The following ZNF565 variants were observed in gnomAD, a reference collection of about 807,000 sequenced individuals.
ZNF565 encodes zinc finger protein 565.
Under a neutral mutation model 39.4 loss-of-function variants are expected in ZNF565, and 27 were observed. The observed-to-expected ratio is 0.69, with a 90% CI of 0.51 to 0.95. The LOEUF is 0.95. ZNF565 is among the 40% of genes least tolerant of loss of function. ZNF565 has a pLI of 0.00. For missense variants in ZNF565, 524 were observed against 621.1 expected (o/e 0.84, Z 1.66); for synonymous variants, 185 against 216.6 (o/e 0.85, Z 1.28).
At chr19:36,216,400 G>A (rs1455577853), upstream of ZNF565, among the ~76,000 whole-genome samples, 1 of 152,088 alleles carries the variant, frequency 6.6e-6, no homozygotes, top group Non-Finnish European at 1.5e-5. Context: ...TAGCACTTTG[G>A]GAGGCCGAGA....
Position 36,183,054 on chromosome 19 carries a change from G to C in ZNF565, c.912C>G (p.Ala304=), listed in dbSNP as rs1167675441. 6 of 1,614,156 alleles carry C rather than the reference G, an allele frequency of 3.7e-6. No individual in the cohort carries two copies. The highest frequency in any genetic ancestry group is 4.2e-6 in the Non-Finnish European group (5 of 1,180,036). Residue 304 remains alanine (A), a synonymous_variant, in exon 5 of 5, where the codon GCC becomes GCG. Transcript: ENST00000304116. ...CGCATTCTTTACACTCATAGGGTCT[G>C]GCCCCTGTGTGGATTCTCCGATGCA... ...LTVHRRIHTG[A]RPYECKECGK... is the part of the protein sequence containing the mutation.
chr19:36,196,956 T>C (rs973233352), intron 2 of ZNF565, among the ~76,000 whole-genome samples: 9 of 151,974 alleles, frequency 5.9e-5, no homozygotes, highest in Admixed American at 1.3e-4. Context: ...CTTGAGGGGC[T>C]GAGGCAGGAG....
At position 36,193,274 on chromosome 19, in the gene ZNF565, C is replaced by T. The variant is rs148369446; in HGVS notation, c.232+959G>A. ...CAGGGATTACAGGTGTGAGCCACCACGTCTGGCCAATTTTTGTATTTTTAG... is the reference window on the plus strand; with the variant it reads ...CAGGGATTACAGGTGTGAGCCACCATGTCTGGCCAATTTTTGTATTTTTAG... On this transcript the variant is annotated intron_variant, in intron 4 of 4. Transcript: ENST00000304116. 9.2e-4 allele frequency among the ~76,000 whole-genome samples: 140 copies of T among 151,648 alleles called. 1 individual carries two copies. The highest frequency in any genetic ancestry group is 3.1e-3 in the African/African-American group (130 of 41,380).
At chr19:36,203,195 G>A (rs1976026848) in intron 1 of ZNF565, among the ~76,000 whole-genome samples, 2 of 152,062 alleles carry the variant, frequency 1.3e-5, no homozygotes, top group African/African-American at 4.8e-5. Flanking sequence ...AATTAGCGGG[G>A]CGTGGTGGCG....
At chr19:36,221,838 C>T (rs1299560665) in intron 1 of ZNF565, among the ~76,000 whole-genome samples, 1 of 151,242 alleles carries the variant, frequency 6.6e-6, no homozygotes, top group Non-Finnish European at 1.5e-5. Context: ...CTCCACCTTA[C>T]ATAAAAGATA....
At chr19:36,184,310 A>C (rs1311346974) in intron 4 of ZNF565, among the ~76,000 whole-genome samples, 1 of 151,870 alleles carries the variant, frequency 6.6e-6, no homozygotes, top group Non-Finnish European at 1.5e-5. Context: ...TCTGTCGCCC[A>C]GGCTGGAATG....
chr19:36,224,136 C>G (rs967403644), intron 1 of ZNF565, among the ~76,000 whole-genome samples: 6 of 152,178 alleles, frequency 3.9e-5, no homozygotes, highest in Non-Finnish European at 7.3e-5. Flanking sequence ...AATCCCAGCA[C>G]TTTGCAAGGC....
intron 1 of ZNF565, among the ~76,000 whole-genome samples, chr19:36,206,596 C>T (rs556821184): frequency 2.0e-5 from 3 of 152,190 alleles, no homozygotes; most frequent in African/African-American, 4.8e-5. Flanking sequence ...TTTGGGAGGG[C>T]GAGGCACGCG....
chr19:36,202,732 A>T (rs138713769), intron 1 of ZNF565, among the ~76,000 whole-genome samples: 1 of 152,276 alleles, frequency 6.6e-6, no homozygotes, highest in Non-Finnish European at 1.5e-5. Flanking sequence ...AGTAAAAGAC[A>T]TCCCTAAACG....
Position 36,194,234 on chromosome 19 carries a change from T to C in ZNF565, c.231A>G (p.Pro77=), listed in dbSNP as rs762597039. 6.2e-7 allele frequency: 1 copy of C among 1,610,776 alleles called. No individual in the cohort carries two copies. Among genetic ancestry groups the C allele is most frequent in the East Asian group, 2.2e-5 (1 of 44,860 alleles). The change falls in exon 4 of 5, where the codon CCA becomes CCG. Residue 77 remains proline (P), a splice_region_variant and synonymous_variant. Transcript: ENST00000304116. Reference sequence around the variant, plus strand: ...CTGTCGAAATCGGCCCTCGCTTACCTGGGCACCATGGTCCTGTCACATCAT... The same window carrying C: ...CTGTCGAAATCGGCCCTCGCTTACCCGGGCACCATGGTCCTGTCACATCAT... ...IANDVTGPWC[P]DLESRCEKFL... is the part of the protein sequence containing the mutation.
At chr19:36,233,488 C>T (rs1047244081) in intron 1 of ZNF565, among the ~76,000 whole-genome samples, 1 of 151,922 alleles carries the variant, frequency 6.6e-6, no homozygotes, top group Non-Finnish European at 1.5e-5. Flanking sequence ...TTAGGGAGGA[C>T]CTGCATACGG....
Position 36,187,577 on chromosome 19 carries a change from C to T in ZNF565, c.233-3844G>A, listed in dbSNP as rs577450730. On this transcript the variant is annotated intron_variant, in intron 4 of 4. Transcript: ENST00000304116. ...GGGGTTTCACTGACCAGGATGGTCT[C>T]GATCTCCTGACCTTGTGCTCCGCCC... Among the ~76,000 whole-genome samples the T allele has an allele frequency of 1.7e-4, 26 of 150,634 alleles. No homozygotes were observed. The South Asian group carries it at 5.1e-3, about 29-fold the overall frequency.
chr19:36,238,097 C>G (rs1379977824), intron 1 of ZNF565: 1 of 167,012 alleles, frequency 6.0e-6, no homozygotes, highest in East Asian at 1.9e-4. Flanking sequence ...ACTGAGAAAG[C>G]CCATCACGAA....
intron 1 of ZNF565, chr19:36,238,104 C>T (rs1026086245): frequency 2.4e-5 from 4 of 166,968 alleles, no homozygotes; most frequent in Non-Finnish European, 5.9e-5. Context: ...AAGCCCATCA[C>T]GAACAATATG....
rs372256698 is a variant in ZNF565 at position 36,200,208 on chromosome 19, TACAG to T, written c.9+1765_9+1768del. Among the ~76,000 whole-genome samples the T allele has an allele frequency of 4.9e-4, 74 of 151,858 alleles. No homozygotes were observed. The Middle Eastern group carries it at 0.014, about 28-fold the overall frequency. On this transcript the variant is annotated intron_variant, in intron 2 of 4. Transcript: ENST00000304116. ...GCCCGGCTAATTTTTGTATTTTCAG[TACAG>T]ACAGAGTTTCATCATGTTGGTCAGG...
intron 1 of ZNF565, among the ~76,000 whole-genome samples, chr19:36,202,277 G>A (rs1457974401): frequency 6.6e-6 from 1 of 152,106 alleles, no homozygotes; most frequent in African/African-American, 2.4e-5. Context: ...TGAGGCACAA[G>A]AATTGCTTAA....
At chr19:36,229,873 T>C (rs1042735364) in intron 1 of ZNF565, among the ~76,000 whole-genome samples, 1 of 152,114 alleles carries the variant, frequency 6.6e-6, no homozygotes. Context: ...GCATGTGCCA[T>C]CACACCTGGC....
intron 1 of ZNF565, among the ~76,000 whole-genome samples, chr19:36,214,152 A>G (rs12972727): frequency 0.047 from 7,138 of 152,094 alleles, 244 homozygotes; most frequent in Non-Finnish European, 0.068. Flanking sequence ...CCACACACAT[A>G]CACACAAACA....
intron 1 of ZNF565, among the ~76,000 whole-genome samples, chr19:36,202,702 T>C (rs1340992574): frequency 1.3e-5 from 2 of 152,106 alleles, no homozygotes; most frequent in East Asian, 1.9e-4. Context: ...ACACAGACCA[T>C]CTATGCAGGC....
Sources: allele counts gnomAD v4.1 joint callset (sites outside exome capture counted in the v4.1 genomes callset), GRCh38; gene constraint gnomAD v4.1.1; transcripts MANE v1.5; gene names NCBI Gene and HGNC (gene_info 2026-07-23, HGNC 2026-07-21).